The following RALGPS2 variants were observed in gnomAD, a reference collection of about 807,000 sequenced individuals.
The protein encoded by RALGPS2 is ras-specific guanine nucleotide-releasing factor RalGPS2.
Under a neutral mutation model 86.8 loss-of-function variants are expected in RALGPS2, and 43 were observed. That is an observed-to-expected ratio of 0.50 (90% CI 0.39 to 0.64). RALGPS2 has a LOEUF of 0.64. RALGPS2 is among the 30% of genes least tolerant of loss of function. The pLI, the probability that RALGPS2 is intolerant of heterozygous loss-of-function variation, is 0.00. For missense variants in RALGPS2, 536 were observed against 694.6 expected (o/e 0.77, Z 2.57); for synonymous variants, 243 against 231.3 (o/e 1.05, Z -0.46).
In RALGPS2 at chr1:178,756,513, G is replaced by A. The variant is rs899377966; in HGVS notation, c.-83-20169G>A. 1.5e-4 allele frequency among the ~76,000 whole-genome samples: 23 copies of A among 152,052 alleles called. 1 individual carries two copies. The highest frequency in any genetic ancestry group is 7.4e-5 in the Non-Finnish European group (5 of 67,974). The stretch of plus-strand genomic sequence containing the variant: ...GTTCTCCATTCTGTTCCATTGGTCT[G>A]TATGTCTGTTTTGTACTAGAACCGT... On this transcript the variant is annotated intron_variant, in intron 1 of 19. Transcript: ENST00000367635.
In RALGPS2 at chr1:178,833,448, A is replaced by G. The variant is rs1361577246; in HGVS notation, c.505A>G (p.Thr169Ala). 1 of 1,512,916 alleles carries G rather than the reference A, an allele frequency of 6.6e-7. No homozygotes were observed. Among genetic ancestry groups the G allele is most frequent in the African/African-American group, 1.5e-5 (1 of 68,236 alleles). The allele number at this position is 1,512,916 out of a possible 1,614,324, so 93.7% of individuals were successfully genotyped here. Residue 169 changes from threonine to alanine, a missense_variant, in exon 8 of 20, where the codon ACC (threonine) becomes GCC (alanine). Thr to Ala is a moderately conservative substitution (Grantham distance 58). Around this residue, in one of 3 missense-constraint regions of RALGPS2, gnomAD observed 184 missense variants for 296.7 expected, o/e 0.62. Transcript: ENST00000367635. ...WALLSRKDKTTFEKLEYVMSK... is the reference protein window; with the variant it reads ...WALLSRKDKTAFEKLEYVMSK... The stretch of plus-strand genomic sequence containing the variant: ...GTTATTAAGTCGAAAAGACAAAACT[A>G]CCTTTGAAAAATTAGAATATGTAAT...
At chr1:178,747,515 A>G (rs1651404614) in intron 1 of RALGPS2, 2 of 1,611,530 alleles carry the variant, frequency 1.2e-6, no homozygotes, top group Admixed American at 1.7e-5. Flanking sequence ...GCGGTTCAGC[A>G]TGACAACTGC....
intron 7 of RALGPS2, among the ~76,000 whole-genome samples, chr1:178,831,543 G>T (rs371194403): frequency 3.9e-5 from 6 of 152,208 alleles, no homozygotes; most frequent in East Asian, 3.9e-4. Flanking sequence ...CAATGAAAGT[G>T]TGAAGAGGCT....
At chr1:178,789,957 C>CT (rs951825384) in intron 4 of RALGPS2, among the ~76,000 whole-genome samples, 7 of 151,820 alleles carry the variant, frequency 4.6e-5, no homozygotes, top group African/African-American at 1.4e-4. Context: ...ATACTTTTAG[C>CT]TTTTTTTTGG....
chr1:178,825,088 G>A (rs1203524842), intron 7 of RALGPS2, among the ~76,000 whole-genome samples: 1 of 152,164 alleles, frequency 6.6e-6, no homozygotes, highest in African/African-American at 2.4e-5. Context: ...TAGACCTTAT[G>A]TAGGATCCAT....
rs374533557 is a variant in RALGPS2, at chr1:178,865,246, C to T, written c.608-12252C>T. The T allele has an allele frequency of 1.4e-5, 22 of 1,614,004 alleles. No homozygotes were observed. In the African/African-American group the frequency reaches 2.7e-4, roughly 20 times the overall value. ...CAAGATCAGTCAAGGAAGCGTATTT[C>T]ACCTCTAGTTCCCTGTATCTTGTTG... On this transcript the variant is annotated intron_variant, in intron 8 of 19. Transcript: ENST00000367635.
intron 9 of RALGPS2, 149 bp from the exon 10 acceptor site, chr1:178,878,753 A>C (rs1279297298): frequency 9.5e-7 from 1 of 1,057,510 alleles, no homozygotes; most frequent in African/African-American, 1.6e-5. Context: ...GATTCACATT[A>C]AAGTTTATCT....
intron 7 of RALGPS2, among the ~76,000 whole-genome samples, chr1:178,832,634 T>C (rs141565158): frequency 2.6e-5 from 4 of 152,214 alleles, no homozygotes; most frequent in African/African-American, 9.6e-5. Flanking sequence ...ACCAATATTT[T>C]AATATGAAAT....
At chr1:178,732,338 G>A (rs948784585) in intron 1 of RALGPS2, among the ~76,000 whole-genome samples, 7 of 147,068 alleles carry the variant, frequency 4.8e-5, no homozygotes, top group Admixed American at 6.8e-5. Context: ...TCACTCTGTC[G>A]CCTAGGCTGG....
Position 178,826,223 on chromosome 1 carries a change from A to G in RALGPS2, c.480+4519A>G, listed in dbSNP as rs553820002. 5.9e-5 allele frequency among the ~76,000 whole-genome samples: 9 copies of G among 152,348 alleles called. No homozygotes were observed. In the South Asian group the frequency reaches 8.3e-4, roughly 14 times the overall value. On this transcript the variant is annotated intron_variant, in intron 7 of 19. Coordinates refer to ENST00000367635, the MANE Select transcript of RALGPS2 (RefSeq NM_152663.5). ...ATGCACAATTTCACTGTTGTATTCA[A>G]CATATAATTGCTATTGTATATGTTT...
chr1:178,811,074 CTT>C (rs1206590775), intron 5 of RALGPS2, among the ~76,000 whole-genome samples: 1 of 151,376 alleles, frequency 6.6e-6, no homozygotes, highest in Non-Finnish European at 1.5e-5. Context: ...ATATTTTTTT[CTT>C]TTGATATTTT....
chr1:178,771,091 G>A (rs575973709), intron 1 of RALGPS2, among the ~76,000 whole-genome samples: 23 of 148,826 alleles, frequency 1.5e-4, no homozygotes, highest in Admixed American at 3.3e-4. Flanking sequence ...CACCTGCCTC[G>A]GCCTCCCAAA....
chr1:178,878,891 C>T lies in RALGPS2; in HGVS notation c.746-11C>T. The stretch of plus-strand genomic sequence containing the variant: ...ACTTTATCAGATAATTATTTATCAC[C>T]TTTTGCCTAGATATTCCCATGTTGC... On this transcript the variant is annotated splice_polypyrimidine_tract_variant and intron_variant, in intron 9 of 19. Transcript: ENST00000367635. 6.2e-7 allele frequency: 1 copy of T among 1,609,964 alleles called. No individual in the cohort carries two copies. Among genetic ancestry groups the T allele is most frequent in the East Asian group, 2.3e-5 (1 of 44,436 alleles).
chr1:178,869,226 A>G (rs1658601470), intron 8 of RALGPS2: 1 of 152,086 alleles, frequency 6.6e-6, no homozygotes, highest in South Asian at 2.1e-4. Context: ...ATTGCCAGCT[A>G]GTAGAGAGAA....
chr1:178,786,409 G>A (rs545323620), intron 4 of RALGPS2, among the ~76,000 whole-genome samples: 68 of 152,046 alleles, frequency 4.5e-4, no homozygotes, highest in African/African-American at 1.6e-3. Flanking sequence ...ATATGACTGC[G>A]TTGACATTTT....
chr1:178,737,403 G>A (rs754848283), intron 1 of RALGPS2, among the ~76,000 whole-genome samples: 1 of 151,908 alleles, frequency 6.6e-6, no homozygotes, highest in East Asian at 1.9e-4. Flanking sequence ...CTGCCACCAC[G>A]CCTGGCTAAT....
intron 2 of RALGPS2, among the ~76,000 whole-genome samples, chr1:178,779,231 C>T (rs1653258946): frequency 1.3e-5 from 2 of 152,076 alleles, no homozygotes; most frequent in East Asian, 1.9e-4. Context: ...AGATGCTCAC[C>T]CCTCTAGTTA....
chr1:178,870,966 C>T (rs1377020253), intron 8 of RALGPS2: 2 of 152,092 alleles, frequency 1.3e-5, no homozygotes, highest in Non-Finnish European at 2.9e-5. Flanking sequence ...AGTGGAAGTT[C>T]TGGTCTGTGG....
chr1:178,825,566 A>AT (rs906892468), intron 7 of RALGPS2, among the ~76,000 whole-genome samples: 1 of 152,006 alleles, frequency 6.6e-6, no homozygotes, highest in African/African-American at 2.4e-5. Context: ...TGGTTCATGG[A>AT]TTTTTTTTCT....
Sources: gnomAD v4.1 joint callset for allele counts (sites outside exome capture counted in the v4.1 genomes callset) on GRCh38, gnomAD v4.1.1 for gene constraint, gnomAD v4.1.1 regional missense constraint, MANE v1.5 for transcripts, NCBI Gene and HGNC (gene_info 2026-07-23, HGNC 2026-07-21) for gene names.